CFAP97D2: variants seen among roughly 807,000 people sequenced by gnomAD.
The protein encoded by CFAP97D2 is CFAP97 domain containing 2.
At chr13:114,220,147 C>G (rs2081013724) in intron 4 of CFAP97D2, among the ~76,000 whole-genome samples, 2 of 152,160 alleles carry the variant, frequency 1.3e-5, no homozygotes, top group Admixed American at 6.5e-5. Context: ...TGAAACACAG[C>G]CTTCAGAAGA....
chr13:114,182,980 T>A (rs887288022), intron 1 of CFAP97D2, among the ~76,000 whole-genome samples: 3 of 152,148 alleles, frequency 2.0e-5, no homozygotes, highest in Non-Finnish European at 4.4e-5. Context: ...CACTGCTACC[T>A]CCAGACACTG....
chr13:114,192,110 T>C (rs1012356106), intron 1 of CFAP97D2, among the ~76,000 whole-genome samples: 1 of 152,084 alleles, frequency 6.6e-6, no homozygotes, highest in Admixed American at 6.6e-5. Context: ...CAGAGGATTT[T>C]TAGGGCCATG....
Position 114,186,117 on chromosome 13 carries a change from A to C in CFAP97D2, c.90+6697A>C, listed in dbSNP as rs1180583304. 1.3e-5 allele frequency among the ~76,000 whole-genome samples: 2 copies of C among 152,140 alleles called. No homozygotes were observed. Among genetic ancestry groups the C allele is most frequent in the Non-Finnish European group, 2.9e-5 (2 of 68,014 alleles). On this transcript the variant is annotated intron_variant, in intron 1 of 4. Transcript: ENST00000646158. This position sits in a 1 kb window ranked among gnomAD's most constrained non-coding sequence, Gnocchi z 4.3. Reference sequence around the variant, plus strand: ...AGCCAGACTCTAGCAGAGGATGGAGATATGATGGGGAGACGATGGGCTGAC... The same window carrying C: ...AGCCAGACTCTAGCAGAGGATGGAGCTATGATGGGGAGACGATGGGCTGAC...
chr13:114,196,057 T>TGAGCGAGCATACAGAGCGAGC (rs2080885471), intron 1 of CFAP97D2, among the ~76,000 whole-genome samples: 1 of 130,034 alleles, frequency 7.7e-6, no homozygotes, highest in Non-Finnish European at 1.6e-5. Context: ...TGCTCCAGCC[T>TGAGCGAGCATACAGAGCGAGC]GGGCAACAGA....
rs375084561 is a variant in CFAP97D2, at chr13:114,198,863, T to C, written c.172-1462T>C. ...GCGTCCCCGTGTGTACGGTCCCCGCTGAGGGGTGACGGCGCGTCCCCGTGT... is the reference window on the plus strand; with the variant it reads ...GCGTCCCCGTGTGTACGGTCCCCGCCGAGGGGTGACGGCGCGTCCCCGTGT... On this transcript the variant is annotated intron_variant, in intron 2 of 4. Coordinates refer to ENST00000646158, the Ensembl canonical transcript of CFAP97D2. Among the ~76,000 whole-genome samples, 45 of 54,114 alleles carry C rather than the reference T, an allele frequency of 8.3e-4. 1 individual carries two copies. Among genetic ancestry groups the C allele is most frequent in the South Asian group, 1.4e-3 (2 of 1,426 alleles). 35.5% of individuals were successfully genotyped at this position (54,114 alleles called of 152,430 possible). A position where few individuals can be genotyped will look rare whatever the true frequency, so the allele number is the denominator to read the frequency against.
intron 3 of CFAP97D2, among the ~76,000 whole-genome samples, chr13:114,200,843 G>A (rs892819780): frequency 2.6e-5 from 4 of 152,202 alleles, no homozygotes; most frequent in Admixed American, 1.3e-4. Flanking sequence ...GTTCGGCGGC[G>A]GAGGAACACA....
At chr13:114,204,730 G>C (rs1288163912) in intron 3 of CFAP97D2, among the ~76,000 whole-genome samples, 1 of 152,172 alleles carries the variant, frequency 6.6e-6, no homozygotes, top group Non-Finnish European at 1.5e-5. Context: ...AAAACTCTTA[G>C]AAGAAAACAG....
chr13:114,218,120 G>T (rs2081004155), intron 4 of CFAP97D2, among the ~76,000 whole-genome samples: 1 of 152,192 alleles, frequency 6.6e-6, no homozygotes, highest in South Asian at 2.1e-4. Context: ...TGTATATTTA[G>T]AAAACCCCAT....
chr13:114,203,347 A>G lies in CFAP97D2; in HGVS notation c.290+2904A>G, dbSNP rs2080926724. Among the ~76,000 whole-genome samples, 1 of 152,274 alleles carries G rather than the reference A, an allele frequency of 6.6e-6. No homozygotes were observed. The highest frequency in any genetic ancestry group is 2.4e-5 in the African/African-American group (1 of 41,480). ...GTATCAAAAGAATAGGTACTTAGGA[A>G]TAAACAAAGGAAGTACAAAATTTAT... On this transcript the variant is annotated intron_variant, in intron 3 of 4. Transcript: ENST00000646158. This position sits in a 1 kb window ranked among gnomAD's most constrained non-coding sequence, Gnocchi z 4.3.
At chr13:114,213,149 A>G (rs2080975812) in intron 4 of CFAP97D2, among the ~76,000 whole-genome samples, 1 of 152,200 alleles carries the variant, frequency 6.6e-6, no homozygotes, top group African/African-American at 2.4e-5. Context: ...ACCTGTATAT[A>G]TAACCGTTAT....
downstream of CFAP97D2, chr13:114,222,752 C>G (rs2081026807): frequency 5.2e-6 from 2 of 385,348 alleles, no homozygotes; most frequent in African/African-American, 4.1e-5. The surrounding 1 kb of genome is among the most constrained non-coding windows in gnomAD (Gnocchi z 4.4). Context: ...TCACTGTTAT[C>G]ACAGCCGGAG....
chr13:114,220,371 C>T (rs1385205009), intron 4 of CFAP97D2, among the ~76,000 whole-genome samples: 1 of 152,232 alleles, frequency 6.6e-6, no homozygotes, highest in Non-Finnish European at 1.5e-5. Context: ...CCCCTCTCCT[C>T]TGCCCCAAAG....
intron 3 of CFAP97D2, among the ~76,000 whole-genome samples, chr13:114,202,945 C>T (rs538367545): frequency 5.3e-5 from 8 of 152,256 alleles, no homozygotes; most frequent in Admixed American, 3.3e-4. Context: ...GAGAGAAGAT[C>T]GCCATTGTTC....
At chr13:114,194,606 C>T (rs1485916546) in intron 1 of CFAP97D2, among the ~76,000 whole-genome samples, 1 of 152,086 alleles carries the variant, frequency 6.6e-6, no homozygotes, top group African/African-American at 2.4e-5. Context: ...CCCCCAAGAG[C>T]ATTCTTTGAT....
chr13:114,181,987 A>G (rs932020482), intron 1 of CFAP97D2, among the ~76,000 whole-genome samples: 1 of 152,160 alleles, frequency 6.6e-6, no homozygotes, highest in Non-Finnish European at 1.5e-5. Flanking sequence ...AAGAAATAAG[A>G]CACAGAGACA....
intron 4 of CFAP97D2, among the ~76,000 whole-genome samples, chr13:114,217,115 T>G (rs1342807598): frequency 1.3e-5 from 2 of 152,194 alleles, no homozygotes; most frequent in Non-Finnish European, 2.9e-5. Flanking sequence ...GTTCATATGC[T>G]TTGCCCACTT....
At chr13:114,197,334 CTT>C (rs1387497359) in intron 2 of CFAP97D2, among the ~76,000 whole-genome samples, 1 of 152,136 alleles carries the variant, frequency 6.6e-6, no homozygotes, top group Non-Finnish European at 1.5e-5. Context: ...TACAAAGAGT[CTT>C]TTTGTCAGTT....
chr13:114,217,944 C>T (rs61046918), intron 4 of CFAP97D2, among the ~76,000 whole-genome samples: 9,902 of 152,210 alleles, frequency 0.065, 540 homozygotes, highest in African/African-American at 0.13. Flanking sequence ...AAACTGGAAG[C>T]ATTCCCTTTG....
Position 114,211,969 on chromosome 13 carries a change from A to G in CFAP97D2, c.348A>G (p.Pro116=), listed in dbSNP as rs1344793600. Residue 116 remains proline (P), a synonymous_variant, in exon 4 of 5, where the codon CCA becomes CCG. Transcript: ENST00000646158. This position sits in a 1 kb window ranked among gnomAD's most constrained non-coding sequence, Gnocchi z 4.2. ...GCAGAGTGCGGAAGAAAACACGGCC[A>G]TTCTGGAAGGAATCACACACTCAGA... The G allele has an allele frequency of 1.0e-5, 4 of 398,644 alleles. No homozygotes were observed. Among genetic ancestry groups the G allele is most frequent in the Non-Finnish European group, 1.8e-5 (4 of 226,164 alleles). The allele number at this position is 398,644 out of a possible 1,614,324, so 24.7% of individuals were successfully genotyped here. A position where few individuals can be genotyped will look rare whatever the true frequency, so the allele number is the denominator to read the frequency against.
Sources: allele counts gnomAD v4.1 joint callset (sites outside exome capture counted in the v4.1 genomes callset), GRCh38; gene constraint gnomAD v4.1.1; non-coding constraint Gnocchi (gnomAD v3.1); transcripts MANE v1.5; gene names NCBI Gene and HGNC (gene_info 2026-07-23, HGNC 2026-07-21).